Variants in DOCK9 observed in about 807,000 individuals in gnomAD.
DOCK9 encodes the protein dedicator of cytokinesis protein 9.
DOCK9 carries 89 observed loss-of-function variants against 263.3 expected under a neutral mutation model. That is an observed-to-expected ratio of 0.34 (90% CI 0.28 to 0.40). The LOEUF (loss-of-function observed/expected upper bound fraction) is 0.40, where lower values mean the gene tolerates loss of function less well. DOCK9 is among the 10% of genes least tolerant of loss of function. DOCK9 has a pLI of 1.00. For synonymous variants in DOCK9, 976 were observed against 973.1 expected (o/e 1.00, Z -0.06); for missense variants, 2,140 against 2,603.4 (o/e 0.82, Z 3.87).
chr13:98,978,218 G>T, upstream of DOCK9: 1 of 773,750 alleles, frequency 1.3e-6, no homozygotes, highest in Non-Finnish European at 1.8e-6. Context: ...CGGCTTTATT[G>T]TGTCTGTTCC....
upstream of DOCK9, among the ~76,000 whole-genome samples, chr13:98,981,769 C>T (rs1246252098): frequency 6.6e-6 from 1 of 152,176 alleles, no homozygotes; most frequent in Non-Finnish European, 1.5e-5. Flanking sequence ...GATCCCAAGC[C>T]TCCAAATGGG....
chr13:99,015,587 T>C, intron 1 of DOCK9: 1 of 1,597,656 alleles, frequency 6.3e-7, no homozygotes, highest in Non-Finnish European at 8.5e-7. Flanking sequence ...TTAAACAGAA[T>C]CACACTAGTA....
chr13:99,000,815 A>AT (rs1305358266), intron 1 of DOCK9, among the ~76,000 whole-genome samples: 6 of 152,264 alleles, frequency 3.9e-5, no homozygotes, highest in African/African-American at 7.2e-5. Context: ...CCATAGTGTG[A>AT]TTTTTTACAA....
At position 98,880,556 on chromosome 13, in the gene DOCK9, T is replaced by C; in HGVS notation, c.2862A>G (p.Lys954=). 6.2e-7 allele frequency: 1 copy of C among 1,613,934 alleles called. No homozygotes were observed. Among genetic ancestry groups the C allele is most frequent in the South Asian group, 1.1e-5 (1 of 91,052 alleles). ...GACTCTCCTGACATACCTTCAGTAGTTTGTTGCTGGTGAGGAAATCGGCAG... is the reference window on the plus strand; with the variant it reads ...GACTCTCCTGACATACCTTCAGTAGCTTGTTGCTGGTGAGGAAATCGGCAG... ...KPSADFLTSN[K]LLKYSWFFFD... is the part of the protein sequence containing the mutation. The change falls in exon 26 of 53, where the codon AAA becomes AAG. Residue 954 remains lysine, a synonymous_variant. Transcript: ENST00000682017.
At chr13:99,042,437 C>T (rs765606176) in intron 1 of DOCK9, among the ~76,000 whole-genome samples, 1 of 152,206 alleles carries the variant, frequency 6.6e-6, no homozygotes, top group Non-Finnish European at 1.5e-5. Flanking sequence ...GGGGATCCTT[C>T]CCAGATTTCT....
At chr13:98,844,610 G>C (rs562377085) in intron 38 of DOCK9, among the ~76,000 whole-genome samples, 27 of 144,114 alleles carry the variant, frequency 1.9e-4, no homozygotes, top group African/African-American at 6.5e-4. Flanking sequence ...TGATCCACCT[G>C]CTGCTTGGCC....
chr13:98,996,266 AC>A (rs1344110939), intron 1 of DOCK9, among the ~76,000 whole-genome samples: 4 of 152,170 alleles, frequency 2.6e-5, no homozygotes, highest in Non-Finnish European at 5.9e-5. Context: ...GCTCGTAATT[AC>A]CACAACCCAT....
chr13:99,034,906 T>C (rs1887708062), intron 1 of DOCK9, among the ~76,000 whole-genome samples: 1 of 152,168 alleles, frequency 6.6e-6, no homozygotes, highest in Non-Finnish European at 1.5e-5. Context: ...ATGGATGCAT[T>C]TGGATGTCAT....
intron 26 of DOCK9, 109 bp downstream of exon 26, chr13:98,880,438 G>A (rs796397614): frequency 7.1e-7 from 1 of 1,413,316 alleles, no homozygotes; most frequent in Non-Finnish European, 9.7e-7. Context: ...CCTTTTTAGG[G>A]AGTGGTGTTT....
At position 98,831,640 on chromosome 13, in the gene DOCK9, G is replaced by T; in HGVS notation, c.4452+9C>A. ...AAAACATCTAACCACTGCCCATGAA[G>T]CAACTTACCTTATAAATTAAGGACC... On this transcript the variant is annotated intron_variant, in intron 40 of 52. Transcript: ENST00000682017. 1 of 1,611,656 alleles carries T rather than the reference G, an allele frequency of 6.2e-7. No individual in the cohort carries two copies. The highest frequency in any genetic ancestry group is 8.5e-7 in the Non-Finnish European group (1 of 1,178,912).
In DOCK9 at chr13:98,860,488, A is replaced by G; in HGVS notation, c.3614T>C (p.Val1205Ala). ...VKDESLALPA[V>A]NPLVTPQKGS... ...CTTCTGCGGCGTCACCAGCGGATTC[A>G]CAGCTGGTAGAGCCAGGGATTCATC... Residue 1205 changes from valine (V) to alanine (A), a missense_variant, in exon 33 of 53, where the codon GTG becomes GCG. Val to Ala is a moderately conservative substitution (Grantham distance 64, BLOSUM62 0). Around this residue, in one of 2 missense-constraint regions of DOCK9, gnomAD observed 1,521 missense variants for 1,741.7 expected, o/e 0.87. Coordinates refer to ENST00000682017, the MANE Select transcript of DOCK9 (RefSeq NM_001366683.2). The G allele has an allele frequency of 6.3e-7, 1 of 1,581,254 alleles. No individual in the cohort carries two copies. Among genetic ancestry groups the G allele is most frequent in the African/African-American group, 1.3e-5 (1 of 74,438 alleles).
At chr13:98,932,295 T>C (rs553817682) in intron 2 of DOCK9, among the ~76,000 whole-genome samples, 4 of 152,202 alleles carry the variant, frequency 2.6e-5, no homozygotes, top group Admixed American at 2.0e-4. Context: ...CTCGGGAGGC[T>C]GATGGAGGAG....
chr13:98,839,466 A>AAATACAACAC (rs2093130343), intron 38 of DOCK9, among the ~76,000 whole-genome samples: 1 of 152,238 alleles, frequency 6.6e-6, no homozygotes, highest in South Asian at 2.1e-4. Flanking sequence ...CACACACAAG[A>AAATACAACAC]AATACAACAC....
At chr13:98,959,082 AG>A (rs2058370894) in intron 1 of DOCK9, among the ~76,000 whole-genome samples, 1 of 152,244 alleles carries the variant, frequency 6.6e-6, no homozygotes, top group Non-Finnish European at 1.5e-5. Flanking sequence ...CTGGAAACTG[AG>A]GATCTCAAGT....
chr13:98,999,872 C>A (rs780830452), intron 1 of DOCK9, among the ~76,000 whole-genome samples: 1 of 152,138 alleles, frequency 6.6e-6, no homozygotes, highest in Admixed American at 6.5e-5. Context: ...TGGTTGAATG[C>A]TAAGGGTGAA....
chr13:98,862,501 A>G (rs2093902398), intron 32 of DOCK9, among the ~76,000 whole-genome samples: 1 of 152,108 alleles, frequency 6.6e-6, no homozygotes, highest in Admixed American at 6.6e-5. Context: ...AGCCTGGCCA[A>G]CATGGTGAAA....
Position 98,831,736 on chromosome 13 carries a change from A to G in DOCK9, c.4365T>C (p.Phe1455=), listed in dbSNP as rs766866633. The part of the protein sequence containing the change: ...HGHNPLMKKV[F]DVYLCFLQKH... ...TTTGAAGAAAACACAGGTAGACATC[A>G]AAAACTTTTTTCATGAGAGGATTAT... Residue 1455 remains phenylalanine, a synonymous_variant, in exon 40 of 53, where the codon TTT becomes TTC. Transcript: ENST00000682017. The G allele has an allele frequency of 1.2e-5, 20 of 1,613,894 alleles. No homozygotes were observed. Among genetic ancestry groups the G allele is most frequent in the Non-Finnish European group, 1.7e-5 (20 of 1,179,886 alleles).
chr13:98,797,249 A>G lies in DOCK9; in HGVS notation c.6022T>C (p.Phe2008Leu). ...AAGGCTTGACCGCAAGCTTCCACAA[A>G]TTGCCTGGAATGGTACAGGCGGGAG... ...VKLLKEVFRQ[F>L]VEACGQALAV... Residue 2008 changes from phenylalanine (F) to leucine (L), a missense_variant, in exon 52 of 53, where the codon TTT (phenylalanine) becomes CTT (leucine). Coordinates refer to ENST00000682017, the MANE Select transcript of DOCK9 (RefSeq NM_001366683.2). The G allele has an allele frequency of 6.2e-7, 1 of 1,613,948 alleles. No homozygotes were observed. The highest frequency in any genetic ancestry group is 8.5e-7 in the Non-Finnish European group (1 of 1,179,872).
At chr13:98,846,279 C>A (rs1278763289) in intron 37 of DOCK9, among the ~76,000 whole-genome samples, 2 of 151,996 alleles carry the variant, frequency 1.3e-5, no homozygotes, top group African/African-American at 2.4e-5. Context: ...AAAGCAGGGA[C>A]CTTTTTATTT....
Sources: allele counts gnomAD v4.1 joint callset (sites outside exome capture counted in the v4.1 genomes callset), GRCh38; gene constraint gnomAD v4.1.1; regional missense constraint gnomAD v4.1.1; transcripts MANE v1.5; gene names NCBI Gene and HGNC (gene_info 2026-07-23, HGNC 2026-07-21).